The following LHFPL1 variants were observed in gnomAD, a reference collection of about 807,000 sequenced individuals.
LHFPL1 encodes the protein LHFPL tetraspan subfamily member 1, also known as LHFPL tetraspan subfamily member 1 protein.
A neutral mutation model predicts 12.1 loss-of-function variants in LHFPL1; 4 were observed. The observed-to-expected ratio is 0.33, with a 90% confidence interval of 0.16 to 0.76. The LOEUF (loss-of-function observed/expected upper bound fraction) is 0.76. Among genes scored for constraint, LHFPL1 ranks in the 30% least tolerant of loss-of-function variants. LHFPL1 has a pLI of 0.61. For missense variants in LHFPL1, 141 were observed against 174.1 expected (o/e 0.81, Z 1.07); for synonymous variants, 52 against 61.9 (o/e 0.84, Z 0.75).
chrX:112,670,751 A>G (rs765394691), intron 2 of LHFPL1, among the ~76,000 whole-genome samples: 2 of 112,509 alleles, frequency 1.8e-5, no homozygotes, highest in Admixed American at 1.9e-4. Context: ...ACCTGCAGGC[A>G]GATGAAGGTG....
At chrX:112,652,740 T>C (rs1181425995) in intron 3 of LHFPL1, among the ~76,000 whole-genome samples, 1 of 112,087 alleles carries the variant, frequency 8.9e-6, no homozygotes, top group East Asian at 2.8e-4. Context: ...AGCTGCCTCA[T>C]TAAAGCTGGC....
intron 3 of LHFPL1, among the ~76,000 whole-genome samples, chrX:112,636,898 C>G (rs1379225290): frequency 8.9e-6 from 1 of 111,809 alleles, no homozygotes; most frequent in African/African-American, 3.3e-5. Context: ...AAGTCTGTGT[C>G]CTTAGAAGAT....
chrX:112,659,557 G>T (rs143918902), intron 3 of LHFPL1, among the ~76,000 whole-genome samples: 1,650 of 111,474 alleles, frequency 0.015, 24 homozygotes, highest in African/African-American at 0.052. Flanking sequence ...GGGTACATTT[G>T]ATAATATAAG....
chrX:112,641,753 T>C (rs982231208), intron 3 of LHFPL1, among the ~76,000 whole-genome samples: 3 of 111,939 alleles, frequency 2.7e-5, no homozygotes, highest in Non-Finnish European at 5.6e-5. Context: ...AAAATACAGA[T>C]TCCTAGGCTC....
Position 112,660,730 on chromosome X carries a change from A to C in LHFPL1, c.383-5T>G, listed in dbSNP as rs1464837913. The stretch of plus-strand genomic sequence containing the variant: ...AGCCTGAGCTTATCAGCAGCCCTAG[A>C]AAGAAAGCATACACACAGACAGAAA... On this transcript the variant is annotated splice_region_variant and splice_polypyrimidine_tract_variant and intron_variant, in intron 2 of 3. Coordinates refer to ENST00000371968, the MANE Select transcript of LHFPL1 (RefSeq NM_178175.4). 1.7e-6 allele frequency: 2 copies of C among 1,153,994 alleles called. No homozygotes were observed. The highest frequency in any genetic ancestry group is 2.4e-6 in the Non-Finnish European group (2 of 845,025).
intron 1 of LHFPL1, among the ~76,000 whole-genome samples, chrX:112,671,790 C>T (rs1361364400): frequency 9.0e-6 from 1 of 111,693 alleles, no homozygotes; most frequent in African/African-American, 3.3e-5. Flanking sequence ...GTTGCTGTCC[C>T]GGCTTCCAGC....
chrX:112,658,609 G>A (rs1931083135), intron 3 of LHFPL1, among the ~76,000 whole-genome samples: 1 of 111,317 alleles, frequency 9.0e-6, no homozygotes, highest in Non-Finnish European at 1.9e-5. Flanking sequence ...CACTAGGACA[G>A]CTATAACAAA....
intron 1 of LHFPL1, among the ~76,000 whole-genome samples, chrX:112,674,314 C>G (rs967769150): frequency 5.4e-5 from 6 of 111,663 alleles, no homozygotes; most frequent in Non-Finnish European, 9.4e-5. Context: ...AGGACTTAAA[C>G]CCAAGACATG....
rs991896904 is a variant in LHFPL1 at position 112,673,786 on chromosome X, A to G, written c.-14-2382T>C. On this transcript the variant is annotated intron_variant, in intron 1 of 3. Coordinates refer to ENST00000371968, the MANE Select transcript of LHFPL1 (RefSeq NM_178175.4). ...ACCTGAAGCCTTCCCCTACAGTATT[A>G]CCCCAAAAGTATTACAATTAAAAGC... Among the ~76,000 whole-genome samples, 4 of 111,793 alleles carry G rather than the reference A, an allele frequency of 3.6e-5. No individual in the cohort carries two copies. The East Asian group carries it at 8.4e-4, about 23-fold the overall frequency.
At chrX:112,657,909 C>CAAAAAAAAAAAAAA (rs57793060) in intron 3 of LHFPL1, among the ~76,000 whole-genome samples, 1 of 61,343 alleles carries the variant, frequency 1.6e-5, no homozygotes. Flanking sequence ...AAAACAGAAG[C>CAAAAAAAAAAAAAA]AAAAAAAAAA....
chrX:112,643,894 G>A lies in LHFPL1; in HGVS notation c.482-12293C>T, dbSNP rs906839572. Among the ~76,000 whole-genome samples, 6 of 111,499 alleles carry A rather than the reference G, an allele frequency of 5.4e-5. No individual in the cohort carries two copies. In the East Asian group the frequency reaches 1.7e-3, roughly 32 times the overall value. On this transcript the variant is annotated intron_variant, in intron 3 of 3. Coordinates refer to ENST00000371968, the MANE Select transcript of LHFPL1 (RefSeq NM_178175.4). ...GTCCTGTCACAAACTTAACCTCTGGGGCAAGTCATCAAACCTTTTTGAGTT... is the reference window on the plus strand; with the variant it reads ...GTCCTGTCACAAACTTAACCTCTGGAGCAAGTCATCAAACCTTTTTGAGTT...
At chrX:112,631,712 G>C in intron 3 of LHFPL1, 111 bp from the exon 4 acceptor site, 1 of 506,478 alleles carries the variant, frequency 2.0e-6, no homozygotes, top group Admixed American at 4.0e-5. Flanking sequence ...CATTCTCTTT[G>C]GGATGCTATG....
intron 3 of LHFPL1, among the ~76,000 whole-genome samples, chrX:112,643,853 G>A (rs1930605367): frequency 8.9e-6 from 1 of 111,908 alleles, no homozygotes; most frequent in African/African-American, 3.3e-5. Context: ...CACTACGGAC[G>A]TGCGGTTGAA....
At chrX:112,644,385 T>C (rs576085406) in intron 3 of LHFPL1, among the ~76,000 whole-genome samples, 2 of 111,814 alleles carry the variant, frequency 1.8e-5, no homozygotes, top group African/African-American at 6.5e-5. Flanking sequence ...ATATACAATA[T>C]GATGTTTTTA....
chrX:112,678,089 A>G (rs1931704951), intron 1 of LHFPL1, among the ~76,000 whole-genome samples: 1 of 111,173 alleles, frequency 9.0e-6, no homozygotes, highest in Admixed American at 9.7e-5. Flanking sequence ...TGAGCAATTG[A>G]TAACTTTGAA....
At chrX:112,660,177 C>T (rs767842261) in intron 3 of LHFPL1, among the ~76,000 whole-genome samples, 88 of 112,198 alleles carry the variant, frequency 7.8e-4, no homozygotes, top group African/African-American at 2.6e-3. Flanking sequence ...CAGCTCTTGC[C>T]GTTAGAAACA....
At chrX:112,659,034 C>T (rs1223268968) in intron 3 of LHFPL1, among the ~76,000 whole-genome samples, 1 of 112,102 alleles carries the variant, frequency 8.9e-6, no homozygotes, top group Non-Finnish European at 1.9e-5. Flanking sequence ...CAAAAAAACA[C>T]ATATTATATG....
chrX:112,660,765 G>A (rs376892949), intron 2 of LHFPL1, 40 bp from the exon 3 acceptor site: 6 of 939,305 alleles, frequency 6.4e-6, no homozygotes, highest in East Asian at 3.1e-5. Context: ...AAAATATAAC[G>A]TCTTCTGTCA....
At chrX:112,662,013 A>G (rs1259736884) in intron 2 of LHFPL1, among the ~76,000 whole-genome samples, 3 of 112,662 alleles carry the variant, frequency 2.7e-5, no homozygotes, top group Non-Finnish European at 5.6e-5. Flanking sequence ...CCATACTGTC[A>G]GTGAAACTGC....
Sources: gnomAD v4.1 joint callset for allele counts (sites outside exome capture counted in the v4.1 genomes callset) on GRCh38, gnomAD v4.1.1 for gene constraint, MANE v1.5 for transcripts, NCBI Gene and HGNC (gene_info 2026-07-23, HGNC 2026-07-21) for gene names.